The following USH2A variants were observed in gnomAD, a reference collection of about 807,000 sequenced individuals.
USH2A encodes usherin.
Under a neutral mutation model 538.9 loss-of-function variants are expected in USH2A, and 443 were observed. That is an observed-to-expected ratio of 0.82 (90% CI 0.76 to 0.89). The LOEUF (loss-of-function observed/expected upper bound fraction) is 0.89. Among genes scored for constraint, USH2A ranks in the 40% least tolerant of loss-of-function variants. The pLI is 0.00. For missense variants in USH2A, 6,633 were observed against 6,324.8 expected, an observed-to-expected ratio of 1.05 and a Z score of -1.65; for synonymous variants, 2,413 against 2,273.5, an observed-to-expected ratio of 1.06 and a Z score of -1.75.
chr1:216,005,798 A>T (rs1357922162), intron 32 of USH2A, among the ~76,000 whole-genome samples: 1 of 152,188 alleles, frequency 6.6e-6, no homozygotes. Flanking sequence ...AAATAAAAAC[A>T]AAACAGGAGA....
chr1:215,950,650 C>A (rs1666890031), intron 37 of USH2A, among the ~76,000 whole-genome samples: 1 of 151,744 alleles, frequency 6.6e-6, no homozygotes, highest in African/African-American at 2.4e-5. Flanking sequence ...GGATTACAGG[C>A]TCCTACCACC....
intron 32 of USH2A, among the ~76,000 whole-genome samples, chr1:216,014,746 A>G (rs1219164908): frequency 6.6e-6 from 1 of 152,220 alleles, no homozygotes; most frequent in Non-Finnish European, 1.5e-5. Context: ...GACGTGTTAC[A>G]AGGAAATGCA....
intron 3 of USH2A, among the ~76,000 whole-genome samples, chr1:216,407,069 C>A (rs1005469234): frequency 6.6e-6 from 1 of 151,888 alleles, no homozygotes; most frequent in African/African-American, 2.4e-5. Context: ...TGACTTCCAT[C>A]TCTCCTTCCT....
rs777779953 is a variant in USH2A, at chr1:215,634,488, T to G, written c.15268A>C (p.Asn5090His). ...VPLQKRMSPL[N>H]VYPPGENHMG... ...TGGTTTTCCCCCGGTGGGTAAACAT[T>G]CAATGGAGACATCCTCTTCTGAAGA... The change falls in exon 70 of 72, where the codon AAT (asparagine) becomes CAT (histidine). Residue 5090 changes from asparagine (N) to histidine (H), a missense_variant. By Grantham distance (68) the Asn-to-His change is moderately conservative. Coordinates refer to ENST00000307340, the MANE Select transcript of USH2A (RefSeq NM_206933.4). 1.2e-6 allele frequency: 2 copies of G among 1,614,102 alleles called. No individual in the cohort carries two copies. The highest frequency in any genetic ancestry group is 3.3e-5 in the Admixed American group (2 of 60,004).
chr1:216,351,243 T>C (rs1002481255), intron 4 of USH2A, among the ~76,000 whole-genome samples: 11 of 152,166 alleles, frequency 7.2e-5, no homozygotes, highest in Non-Finnish European at 1.6e-4. Flanking sequence ...TGCTAAGTGC[T>C]ATGGAAAAGA....
chr1:215,628,843 C>A lies in USH2A; in HGVS notation c.15490G>T (p.Glu5164Ter), dbSNP rs773378897. The A allele has an allele frequency of 6.2e-7, 1 of 1,614,166 alleles. No homozygotes were observed. The highest frequency in any genetic ancestry group is 1.1e-5 in the South Asian group (1 of 91,074). ...CCACTGTTGTGGCCCATGATGGCTT[C>A]CCACAGTGAGTTGTCCATCAAGACT... ...KKVLMDNSLWEAIMGHNSGLY... is the reference protein window; with the variant it reads ...KKVLMDNSLW The change falls in exon 71 of 72, where the codon GAA becomes TAA. Residue 5164 changes from glutamate (E) to a stop codon, truncating the protein, a stop_gained. Coordinates refer to ENST00000307340, the MANE Select transcript of USH2A (RefSeq NM_206933.4). LOFTEE classifies it high-confidence loss of function.
chr1:215,640,838 T>G (rs878975409), intron 67 of USH2A, 104 bp from the exon 68 acceptor site: 7 of 633,892 alleles, frequency 1.1e-5, no homozygotes, highest in Non-Finnish European at 1.1e-5. Flanking sequence ...ACCGAACCAA[T>G]CCAAACAAAA....
intron 3 of USH2A, among the ~76,000 whole-genome samples, chr1:216,400,311 C>T (rs1379718838): frequency 6.7e-6 from 1 of 150,366 alleles, no homozygotes. Context: ...TATATGGGTT[C>T]AAGGGTAACA....
At chr1:216,278,561 T>G (rs2036713872) in intron 11 of USH2A, among the ~76,000 whole-genome samples, 1 of 152,202 alleles carries the variant, frequency 6.6e-6, no homozygotes, top group Non-Finnish European at 1.5e-5. Context: ...CCACGTGGCT[T>G]GTGCCAAGAC....
intron 32 of USH2A, among the ~76,000 whole-genome samples, chr1:216,013,328 C>T (rs1005969326): frequency 1.3e-5 from 2 of 150,974 alleles, no homozygotes; most frequent in African/African-American, 4.9e-5. Flanking sequence ...CACGCCGCCC[C>T]TAATCCCGCT....
intron 30 of USH2A, among the ~76,000 whole-genome samples, chr1:216,051,038 C>G (rs575089314): frequency 6.6e-6 from 1 of 152,082 alleles, no homozygotes; most frequent in Non-Finnish European, 1.5e-5. Flanking sequence ...CCTAAACTAC[C>G]GAGAACTCCT....
At chr1:215,871,575 ATCACT>A (rs1185253961) in intron 43 of USH2A, among the ~76,000 whole-genome samples, 2 of 152,240 alleles carry the variant, frequency 1.3e-5, no homozygotes, top group African/African-American at 2.4e-5. Flanking sequence ...TATTTAATAC[ATCACT>A]TCACTCATTC....
chr1:216,395,231 T>C (rs2039190238), intron 3 of USH2A, among the ~76,000 whole-genome samples: 1 of 152,238 alleles, frequency 6.6e-6, no homozygotes, highest in African/African-American at 2.4e-5. Context: ...TCAAAATATT[T>C]AACAATCAAC....
At chr1:216,269,842 T>C (rs1305237258) in intron 11 of USH2A, among the ~76,000 whole-genome samples, 1 of 152,124 alleles carries the variant, frequency 6.6e-6, no homozygotes, top group Non-Finnish European at 1.5e-5. Context: ...GGGTGACAAT[T>C]GTCACAATGA....
chr1:216,333,403 T>C (rs1038805012), intron 4 of USH2A, among the ~76,000 whole-genome samples: 3 of 152,042 alleles, frequency 2.0e-5, no homozygotes, highest in Non-Finnish European at 4.4e-5. Flanking sequence ...TCAATTGAGA[T>C]TATTCAGTGT....
intron 51 of USH2A, among the ~76,000 whole-genome samples, chr1:215,788,878 A>C (rs1292799238): frequency 6.6e-6 from 1 of 151,912 alleles, no homozygotes; most frequent in East Asian, 1.9e-4. Context: ...ATCTATATAC[A>C]AGAAGATAAT....
chr1:216,322,927 G>C (rs917312340), intron 8 of USH2A, among the ~76,000 whole-genome samples: 1 of 151,754 alleles, frequency 6.6e-6, no homozygotes, highest in African/African-American at 2.4e-5. Flanking sequence ...TTTAAATATT[G>C]TGAGTCATGT....
intron 26 of USH2A, among the ~76,000 whole-genome samples, chr1:216,082,134 C>T (rs1359078118): frequency 6.6e-6 from 1 of 151,988 alleles, no homozygotes; most frequent in Non-Finnish European, 1.5e-5. Flanking sequence ...TGAAGGTCAC[C>T]ACAGCATGAG....
intron 63 of USH2A, among the ~76,000 whole-genome samples, chr1:215,673,636 A>C (rs996888746): frequency 2.0e-5 from 3 of 152,224 alleles, no homozygotes; most frequent in African/African-American, 7.2e-5. Flanking sequence ...GCTGGATTTG[A>C]TAAGAAGGCT....
Sources: allele counts gnomAD v4.1 joint callset (sites outside exome capture counted in the v4.1 genomes callset), GRCh38; gene constraint gnomAD v4.1.1; transcripts MANE v1.5; gene names NCBI Gene and HGNC (gene_info 2026-07-23, HGNC 2026-07-21).